The following MCF2L2 variants were observed in gnomAD, a reference collection of about 807,000 sequenced individuals.
The protein encoded by MCF2L2 is MCF.2 cell line derived transforming sequence-like 2.
In MCF2L2, 102 loss-of-function variants were observed where a neutral mutation model predicts 150.2. The ratio of observed to expected loss-of-function variants is 0.68; its 90% CI spans 0.58 to 0.80. The LOEUF is 0.80. Ranked by LOEUF, MCF2L2 falls within the 30% of genes least tolerant of loss-of-function variation. MCF2L2 has a pLI of 0.00. For missense variants in MCF2L2, 1,256 were observed against 1,372.8 expected, an observed-to-expected ratio of 0.91 and a Z score of 1.34; for synonymous variants, 465 against 491.3, an observed-to-expected ratio of 0.95 and a Z score of 0.71.
chr3:183,199,350 T>C (rs145731566), intron 25 of MCF2L2, among the ~76,000 whole-genome samples: 3 of 152,354 alleles, frequency 2.0e-5, no homozygotes, highest in Admixed American at 2.0e-4. Flanking sequence ...TGGCATTTCT[T>C]CACCCTAGTA....
chr3:183,293,160 A>T (rs1728262532), intron 13 of MCF2L2, among the ~76,000 whole-genome samples: 1 of 152,246 alleles, frequency 6.6e-6, no homozygotes, highest in South Asian at 2.1e-4. Flanking sequence ...AAACAAAAAA[A>T]ATATGTTCTG....
intron 27 of MCF2L2, 28 bp from the exon 28 acceptor site, chr3:183,180,187 C>A (rs750879328): frequency 6.8e-7 from 1 of 1,480,616 alleles, no homozygotes; most frequent in Non-Finnish European, 9.4e-7. Context: ...AAGGATGGGG[C>A]CTCTGTGGGG....
chr3:183,355,409 A>G (rs911667213), intron 3 of MCF2L2, among the ~76,000 whole-genome samples: 7 of 151,572 alleles, frequency 4.6e-5, no homozygotes, highest in Admixed American at 2.0e-4. Context: ...AAGCAGGAAT[A>G]GCAAAATAAT....
intron 23 of MCF2L2, among the ~76,000 whole-genome samples, chr3:183,207,128 C>T (rs1163216583): frequency 6.6e-6 from 1 of 152,022 alleles, no homozygotes; most frequent in Admixed American, 6.6e-5. Context: ...TGTTTCATAG[C>T]CTGAGAGCTA....
chr3:183,386,957 TAAGA>T (rs1713866142), intron 2 of MCF2L2, among the ~76,000 whole-genome samples: 1 of 152,154 alleles, frequency 6.6e-6, no homozygotes, highest in Non-Finnish European at 1.5e-5. Flanking sequence ...TTCTGCTTCA[TAAGA>T]AAGGCAAATT....
At chr3:183,288,054 T>G (rs1392151087) in intron 14 of MCF2L2, among the ~76,000 whole-genome samples, 1 of 152,230 alleles carries the variant, frequency 6.6e-6, no homozygotes, top group Non-Finnish European at 1.5e-5. Context: ...CAGCAACTTA[T>G]ATTCACAATT....
At chr3:183,325,895 T>C (rs1730005495) in intron 5 of MCF2L2, among the ~76,000 whole-genome samples, 1 of 152,210 alleles carries the variant, frequency 6.6e-6, no homozygotes, top group South Asian at 2.1e-4. Flanking sequence ...TACTGTTAAG[T>C]ATTGATCTGT....
chr3:183,372,020 T>TG (rs1210961436), intron 3 of MCF2L2: 6 of 124,574 alleles, frequency 4.8e-5, no homozygotes, highest in African/African-American at 1.9e-4. Context: ...GGTATATCGT[T>TG]TTTTTTTTTT....
rs1722108373 is a variant in MCF2L2, at chr3:183,197,256, G to A, written c.2885-2001C>T. ...AGAAAGCAGCAGTAACCAAGATAGT[G>A]AGGGACTGATGTCAAGGTAGACAAA... is the stretch of plus-strand genomic sequence containing the variant. On this transcript the variant is annotated intron_variant, in intron 25 of 29. Transcript: ENST00000328913. The surrounding 1 kb of genome is among the most constrained non-coding windows in gnomAD (Gnocchi z 4.5). 1.3e-5 allele frequency among the ~76,000 whole-genome samples: 2 copies of A among 152,194 alleles called. No homozygotes were observed. The highest frequency in any genetic ancestry group is 3.8e-4 in the East Asian group (2 of 5,200).
intron 5 of MCF2L2, among the ~76,000 whole-genome samples, chr3:183,332,479 A>G (rs1730312355): frequency 6.6e-6 from 1 of 152,176 alleles, no homozygotes; most frequent in Non-Finnish European, 1.5e-5. Context: ...CTAGGTGTAG[A>G]TGCATCACCT....
chr3:183,342,154 C>T (rs1164517169), intron 3 of MCF2L2, among the ~76,000 whole-genome samples: 14 of 152,210 alleles, frequency 9.2e-5, no homozygotes, highest in Admixed American at 9.2e-4. Context: ...CTTGAGAAGA[C>T]ATCATTGTCA....
At chr3:183,288,960 GA>G (rs1157340515) in intron 14 of MCF2L2, among the ~76,000 whole-genome samples, 159 bp downstream of exon 14, 3 of 151,718 alleles carry the variant, frequency 2.0e-5, no homozygotes, top group African/African-American at 7.3e-5. Context: ...AGGATGAAAA[GA>G]AAAAAAATCC....
At chr3:183,217,158 G>T (rs1722973146) in intron 21 of MCF2L2, among the ~76,000 whole-genome samples, 1 of 151,650 alleles carries the variant, frequency 6.6e-6, no homozygotes, top group African/African-American at 2.4e-5. Context: ...GCTTAGTGTG[G>T]TGGTGGGCGC....
intron 1 of MCF2L2, among the ~76,000 whole-genome samples, chr3:183,392,989 G>GA (rs1714245299): frequency 2.0e-5 from 3 of 152,156 alleles, no homozygotes; most frequent in African/African-American, 7.2e-5. Flanking sequence ...CTTCTAGATA[G>GA]GTGATCAGGG....
At chr3:183,419,692 G>A (rs1397855224) in intron 1 of MCF2L2, among the ~76,000 whole-genome samples, 3 of 152,130 alleles carry the variant, frequency 2.0e-5, no homozygotes, top group Non-Finnish European at 4.4e-5. Context: ...GGCCAACATG[G>A]TGAAACCCCA....
chr3:183,254,855 TCTTTC>T (rs1440597657), intron 15 of MCF2L2: 4 of 152,286 alleles, frequency 2.6e-5, no homozygotes, highest in African/African-American at 9.6e-5. Context: ...TCGTGGCCAC[TCTTTC>T]CTTTGACTCT....
chr3:183,187,696 T>C (rs1276512578), intron 27 of MCF2L2, among the ~76,000 whole-genome samples: 1 of 152,092 alleles, frequency 6.6e-6, no homozygotes, highest in Non-Finnish European at 1.5e-5. Flanking sequence ...CTCAATCTCT[T>C]GACCTCCTGA....
intron 10 of MCF2L2, 90 bp downstream of exon 10, chr3:183,309,626 T>C (rs976354080): frequency 3.2e-6 from 5 of 1,567,736 alleles, no homozygotes; most frequent in Non-Finnish European, 8.7e-7. Flanking sequence ...CTGTGTCCTT[T>C]AGCAACCTTC....
Position 183,270,583 on chromosome 3 carries a change from G to A in MCF2L2, c.1862+6289C>T, listed in dbSNP as rs1395593055. 1 of 1,614,176 alleles carries A rather than the reference G, an allele frequency of 6.2e-7. No homozygotes were observed. Among genetic ancestry groups the A allele is most frequent in the East Asian group, 2.2e-5 (1 of 44,882 alleles). Reference sequence around the variant, plus strand: ...GCCGGAGCTGCCTATGTAATCTCCGGTGATGTAGCTGCCAAAGTCTATGAG... The same window carrying A: ...GCCGGAGCTGCCTATGTAATCTCCGATGATGTAGCTGCCAAAGTCTATGAG... On this transcript the variant is annotated intron_variant, in intron 15 of 29. Coordinates refer to ENST00000328913, the MANE Select transcript of MCF2L2 (RefSeq NM_015078.4). This position sits in a 1 kb window ranked among gnomAD's most constrained non-coding sequence, Gnocchi z 4.5.
Sources: allele counts gnomAD v4.1 joint callset (sites outside exome capture counted in the v4.1 genomes callset), GRCh38; gene constraint gnomAD v4.1.1; non-coding constraint Gnocchi (gnomAD v3.1); transcripts MANE v1.5; gene names NCBI Gene and HGNC (gene_info 2026-07-23, HGNC 2026-07-21).